Variants in CEACAM8 observed in about 807,000 individuals in gnomAD.
CEACAM8 encodes CEA cell adhesion molecule 8.
CEACAM8 carries 31 observed loss-of-function variants against 33.4 expected under a neutral mutation model. That is an observed-to-expected ratio of 0.93 (90% CI 0.70 to 1.25). CEACAM8 has a LOEUF of 1.25. Among genes scored for constraint, CEACAM8 ranks in the 50% most tolerant of loss-of-function variants. The pLI is 0.00. For synonymous variants in CEACAM8, 138 were observed against 164.5 expected (o/e 0.84, Z 1.23); for missense variants, 388 against 434.6 (o/e 0.89, Z 0.95).
intron 2 of CEACAM8, among the ~76,000 whole-genome samples, chr19:42,591,626 G>A (rs1020177531): frequency 6.6e-6 from 1 of 152,284 alleles, no homozygotes; most frequent in African/African-American, 2.4e-5. Context: ...TTAGGTTTTT[G>A]CGAATTGGAC....
At chr19:42,594,001 ATG>A (rs2042497717) in intron 1 of CEACAM8, 101 bp from the exon 2 acceptor site, 21 of 1,264,968 alleles carry the variant, frequency 1.7e-5, no homozygotes, top group African/African-American at 3.0e-5. Context: ...ATGTGTGTGT[ATG>A]TGTGTGTGTC....
intron 4 of CEACAM8, among the ~76,000 whole-genome samples, chr19:42,588,297 G>A (rs2147863176): frequency 6.6e-6 from 1 of 152,332 alleles, no homozygotes; most frequent in South Asian, 2.1e-4. Flanking sequence ...AGGGAGCTGG[G>A]AGCAGAGATG....
Position 42,589,731 on chromosome 19 carries a change from C to G in CEACAM8, c.429G>C (p.Glu143Asp). Reference protein sequence around the residue: ...EVTGQFSVHPETPKPSISSNN... With the variant: ...EVTGQFSVHPDTPKPSISSNN... ...TGCTGGAGATGGAGGGCTTGGGAGT[C>G]TCCGCTGTGCAGAAAACAGAGAGAA... The change falls in exon 3 of 6, where the codon GAG (glutamate) becomes GAC (aspartate). Residue 143 changes from glutamate to aspartate, a missense_variant. Coordinates refer to ENST00000244336, the MANE Select transcript of CEACAM8 (RefSeq NM_001816.4). 6.2e-7 allele frequency: 1 copy of G among 1,614,192 alleles called. No individual in the cohort carries two copies. Among genetic ancestry groups the G allele is most frequent in the South Asian group, 1.1e-5 (1 of 91,088 alleles).
At position 42,589,610 on chromosome 19, in the gene CEACAM8, T is replaced by C. The variant is rs762470006; in HGVS notation, c.550A>G (p.Ser184Gly). Residue 184 changes from serine to glycine, a missense_variant, in exon 3 of 6, where the codon AGT becomes GGT. Physicochemically the swap from Ser to Gly is moderately conservative, Grantham distance 56. Transcript: ENST00000244336. ...TTYLWWVNGQ[S>G]LPVSPRLQLS... ...TGCAGCCTGGGACTGACCGGGAGAC[T>C]CTGACCATTTACCCACCACAGGTAG... 1.2e-6 allele frequency: 2 copies of C among 1,614,164 alleles called. No individual in the cohort carries two copies. The highest frequency in any genetic ancestry group is 1.7e-6 in the Non-Finnish European group (2 of 1,180,032).
At chr19:42,591,492 T>C (rs963952578) in intron 2 of CEACAM8, among the ~76,000 whole-genome samples, 1 of 152,216 alleles carries the variant, frequency 6.6e-6, no homozygotes, top group Admixed American at 6.5e-5. Flanking sequence ...TGTTAGTAAA[T>C]TTAGAAAGCT....
Position 42,593,889 on chromosome 19 carries a change from T to C in CEACAM8, c.76A>G (p.Thr26Ala). ...QGLLLTASLF[T>A]FWNPPTTAQL... ...GCAGTGGTGGGCGGGTTCCAGAAGGTGAAAAGTGAGGCTAGGAGGGGGAGA... is the reference window on the plus strand; with the variant it reads ...GCAGTGGTGGGCGGGTTCCAGAAGGCGAAAAGTGAGGCTAGGAGGGGGAGA... Residue 26 changes from threonine (T) to alanine (A), a missense_variant, in exon 2 of 6, where the codon ACC becomes GCC. Physicochemically the swap from Thr to Ala is moderately conservative, Grantham distance 58 (BLOSUM62 0). Transcript: ENST00000244336. The C allele has an allele frequency of 6.3e-7, 1 of 1,588,728 alleles. No homozygotes were observed. The highest frequency in any genetic ancestry group is 8.6e-7 in the Non-Finnish European group (1 of 1,164,280).
In CEACAM8 at chr19:42,594,800, C is replaced by T. The variant is rs1466474216; in HGVS notation, c.29G>A (p.Arg10Lys). 1.2e-6 allele frequency: 2 copies of T among 1,611,696 alleles called. No homozygotes were observed. Among genetic ancestry groups the T allele is most frequent in the Non-Finnish European group, 1.7e-6 (2 of 1,178,446 alleles). ...GAGCCCCTGCCAGGGGATGCGCCAT[C>T]TGCAGGAAGGGGCTGAGATGGGCCC... is the stretch of plus-strand genomic sequence containing the variant. MGPISAPSCRWRIPWQGLLL... is the reference protein window; with the variant it reads MGPISAPSCKWRIPWQGLLL... The change falls in exon 1 of 6, where the codon AGA (arginine) becomes AAA (lysine). Residue 10 changes from arginine (R) to lysine (K), a missense_variant. Arg to Lys is a conservative substitution (Grantham distance 26). Coordinates refer to ENST00000244336, the MANE Select transcript of CEACAM8 (RefSeq NM_001816.4).
chr19:42,589,192 C>G (rs1177147276), intron 3 of CEACAM8, among the ~76,000 whole-genome samples, 154 bp from the exon 4 acceptor site: 1 of 152,238 alleles, frequency 6.6e-6, no homozygotes, highest in Non-Finnish European at 1.5e-5. Flanking sequence ...TCTACTGAGA[C>G]AGAGTCCGAG....
intron 2 of CEACAM8, 124 bp downstream of exon 2, chr19:42,593,417 A>G (rs1467426934): frequency 8.5e-6 from 11 of 1,295,738 alleles, no homozygotes; most frequent in Admixed American, 2.4e-5. Context: ...CCTGCACTAA[A>G]TGTCCAAACC....
At chr19:42,589,294 G>A (rs2042390879) in intron 3 of CEACAM8, among the ~76,000 whole-genome samples, 163 bp downstream of exon 3, 1 of 152,200 alleles carries the variant, frequency 6.6e-6, no homozygotes, top group Admixed American at 6.5e-5. Context: ...TCAAGGCTAG[G>A]CCTACCCATG....
chr19:42,593,453 G>A, intron 2 of CEACAM8, 88 bp downstream of exon 2: 1 of 1,482,410 alleles, frequency 6.7e-7, no homozygotes, highest in Non-Finnish European at 9.1e-7. Flanking sequence ...ATGCAGAGAG[G>A]GACATGGGCA....
chr19:42,591,997 G>T (rs2042449264), intron 2 of CEACAM8, among the ~76,000 whole-genome samples: 1 of 152,182 alleles, frequency 6.6e-6, no homozygotes, highest in Non-Finnish European at 1.5e-5. Flanking sequence ...ATCTTAGAGG[G>T]AGCCTGGACA....
At chr19:42,584,534 A>C (rs964032665) in intron 4 of CEACAM8, among the ~76,000 whole-genome samples, 2 of 152,266 alleles carry the variant, frequency 1.3e-5, no homozygotes, top group East Asian at 3.8e-4. Context: ...CAAGCTAATG[A>C]TAACAGTAGT....
At chr19:42,583,893 C>T (rs936490732) in intron 4 of CEACAM8, among the ~76,000 whole-genome samples, 1 of 152,232 alleles carries the variant, frequency 6.6e-6, no homozygotes, top group African/African-American at 2.4e-5. Flanking sequence ...TCACTTAGAA[C>T]TGCACTGCTA....
At position 42,589,501 on chromosome 19, in the gene CEACAM8, G is replaced by C. The variant is rs374871641; in HGVS notation, c.659C>G (p.Pro220Arg). The C allele has an allele frequency of 8.3e-5, 134 of 1,614,234 alleles. 3 individuals are homozygous for C. Among genetic ancestry groups the C allele is most frequent in the Admixed American group, 4.3e-4 (26 of 60,032 alleles). ...VGPYECEIQNPASANFSDPVT... is the reference protein window; with the variant it reads ...VGPYECEIQNRASANFSDPVT... The stretch of plus-strand genomic sequence containing the variant: ...TGGGTCACTGAAGTTTGCACTCGCT[G>C]GGTTCTGTATTTCACATTCATAGGG... Residue 220 changes from proline (P) to arginine (R), a missense_variant, in exon 3 of 6, where the codon CCA becomes CGA. By Grantham distance (103) the Pro-to-Arg change is moderately radical. Coordinates refer to ENST00000244336, the MANE Select transcript of CEACAM8 (RefSeq NM_001816.4).
At chr19:42,589,089 G>A (rs778525219) in intron 3 of CEACAM8, 51 bp from the exon 4 acceptor site, 4 of 1,553,424 alleles carry the variant, frequency 2.6e-6, no homozygotes, top group African/African-American at 1.4e-5. Flanking sequence ...GGAAGGGGAA[G>A]CTCCTGGTCT....
rs752328027 is a variant in CEACAM8 at position 42,588,994 on chromosome 19, G to T, written c.748C>A (p.His250Asn). Residue 250 changes from histidine to asparagine, a missense_variant, in exon 4 of 6, where the codon CAT becomes AAT. His to Asn is a moderately conservative substitution (Grantham distance 68). Coordinates refer to ENST00000244336, the MANE Select transcript of CEACAM8 (RefSeq NM_001816.4). Reference sequence around the variant, plus strand: ...GAGAGGTTGAGATTTACCCCTGCATGGTAATAGGTGTCTGAAGGGGAAATG... The same window carrying T: ...GAGAGGTTGAGATTTACCCCTGCATTGTAATAGGTGTCTGAAGGGGAAATG... ...PTISPSDTYY[H>N]AGVNLNLSCH... 1.8e-5 allele frequency: 29 copies of T among 1,614,000 alleles called. 1 individual carries two copies. The African/African-American group carries it at 3.6e-4, about 20-fold the overall frequency.
Position 42,581,364 on chromosome 19 carries a change from C to CA in CEACAM8, c.*41-12dup, listed in dbSNP as rs1222933456. 1 of 152,122 alleles carries CA rather than the reference C, an allele frequency of 6.6e-6. No homozygotes were observed. Among genetic ancestry groups the CA allele is most frequent in the Non-Finnish European group, 1.5e-5 (1 of 68,018 alleles). 9.4% of individuals were successfully genotyped at this position (152,122 alleles called of 1,614,324 possible). A position where few individuals can be genotyped will look rare whatever the true frequency, so the allele number is the denominator to read the frequency against. ...AATAAAAACAACTGTCTGTGAATGACAAAGATTGAAAATGACTATGGTTAA... is the reference window on the plus strand; with the variant it reads ...AATAAAAACAACTGTCTGTGAATGACAAAAGATTGAAAATGACTATGGTTAA... On this transcript the variant is annotated splice_polypyrimidine_tract_variant and intron_variant, in intron 5 of 5. Transcript: ENST00000244336.
At chr19:42,592,722 A>G (rs191143578) in intron 2 of CEACAM8, among the ~76,000 whole-genome samples, 72 of 152,246 alleles carry the variant, frequency 4.7e-4, no homozygotes, top group African/African-American at 1.6e-3. Context: ...CCTGACCTGA[A>G]GCTTGCACAG....
Sources: allele counts gnomAD v4.1 joint callset (sites outside exome capture counted in the v4.1 genomes callset), GRCh38; gene constraint gnomAD v4.1.1; transcripts MANE v1.5; gene names NCBI Gene and HGNC (gene_info 2026-07-23, HGNC 2026-07-21).